Variants in MSH4 observed in about 807,000 individuals in gnomAD.
MSH4 encodes the protein mutS homolog 4.
A neutral mutation model predicts 113.7 loss-of-function variants in MSH4; 106 were observed. That is an observed-to-expected ratio of 0.93 (90% CI 0.80 to 1.10). MSH4 has a LOEUF of 1.10. Ranked by LOEUF, MSH4 falls within the 50% of genes least tolerant of loss-of-function variation. The pLI is 0.00. For missense variants in MSH4, 1,061 were observed against 1,093.7 expected (o/e 0.97, Z 0.42); for synonymous variants, 368 against 380.2 (o/e 0.97, Z 0.37).
chr1:75,891,423 T>G (rs1201755804), intron 17 of MSH4, among the ~76,000 whole-genome samples: 1 of 152,066 alleles, frequency 6.6e-6, no homozygotes, highest in Non-Finnish European at 1.5e-5. Flanking sequence ...TTACCTTAAA[T>G]GAAAGTCCAT....
intron 17 of MSH4, among the ~76,000 whole-genome samples, chr1:75,891,634 A>T (rs1652256385): frequency 6.6e-6 from 1 of 152,044 alleles, no homozygotes; most frequent in Non-Finnish European, 1.5e-5. Flanking sequence ...TTGTATTTTT[A>T]GCTGTGACGG....
At chr1:75,859,150 C>G (rs1472145813) in intron 8 of MSH4, among the ~76,000 whole-genome samples, 3 of 152,152 alleles carry the variant, frequency 2.0e-5, no homozygotes, top group Non-Finnish European at 4.4e-5. Flanking sequence ...TGATTCTTCT[C>G]TCTTTTATTC....
intron 8 of MSH4, among the ~76,000 whole-genome samples, chr1:75,861,769 C>T (rs192709988): frequency 9.1e-4 from 139 of 152,356 alleles, no homozygotes; most frequent in African/African-American, 3.2e-3. Context: ...GGGGCTCAAA[C>T]ACCATGCTGG....
At chr1:75,898,584 T>C (rs537082672) in intron 18 of MSH4, among the ~76,000 whole-genome samples, 2 of 151,586 alleles carry the variant, frequency 1.3e-5, no homozygotes, top group African/African-American at 4.8e-5. Context: ...AGTGGCACTA[T>C]CTCTGCTCAC....
At chr1:75,891,582 T>C (rs1474145396) in intron 17 of MSH4, among the ~76,000 whole-genome samples, 1 of 152,028 alleles carries the variant, frequency 6.6e-6, no homozygotes, top group African/African-American at 2.4e-5. Context: ...GCCTCCTGAG[T>C]AGCTGGGACT....
intron 8 of MSH4, among the ~76,000 whole-genome samples, chr1:75,862,420 C>T (rs540782978): frequency 1.5e-3 from 222 of 152,316 alleles, no homozygotes; most frequent in African/African-American, 5.1e-3. Context: ...ATCTTGGAAG[C>T]GTGGTCCACT....
At chr1:75,907,653 A>T (rs1652688304) in intron 19 of MSH4, among the ~76,000 whole-genome samples, 2 of 69,418 alleles carry the variant, frequency 2.9e-5, no homozygotes, top group African/African-American at 9.9e-5. Flanking sequence ...TTGCTCTTCC[A>T]CGGTGTATCT....
intron 7 of MSH4, among the ~76,000 whole-genome samples, chr1:75,835,877 A>G (rs1366559350): frequency 6.6e-6 from 1 of 152,162 alleles, no homozygotes; most frequent in Non-Finnish European, 1.5e-5. Context: ...GCTCTTGTCA[A>G]GGTCACTGGA....
chr1:75,874,195 A>G (rs1466631903), intron 9 of MSH4, among the ~76,000 whole-genome samples: 1 of 151,534 alleles, frequency 6.6e-6, no homozygotes, highest in Non-Finnish European at 1.5e-5. Flanking sequence ...CTTTTTTTTC[A>G]TATGTTTGTT....
chr1:75,905,842 A>C (rs1332219174), intron 19 of MSH4, among the ~76,000 whole-genome samples: 3 of 152,068 alleles, frequency 2.0e-5, no homozygotes, highest in East Asian at 1.9e-4. Context: ...CTTGAAGTCT[A>C]TCTTATCTGA....
chr1:75,898,944 A>T (rs1320587634), intron 18 of MSH4, among the ~76,000 whole-genome samples: 1 of 152,188 alleles, frequency 6.6e-6, no homozygotes, highest in African/African-American at 2.4e-5. Flanking sequence ...ATATATGTAG[A>T]GTTGCAAAGA....
chr1:75,861,936 T>G (rs1223309332), intron 8 of MSH4, among the ~76,000 whole-genome samples: 1 of 152,098 alleles, frequency 6.6e-6, no homozygotes, highest in African/African-American at 2.4e-5. Flanking sequence ...TAGCTCGAGC[T>G]TCCCTGCCAC....
chr1:75,797,091 C>T lies in MSH4; in HGVS notation c.106C>T (p.Gln36Ter). The T allele has an allele frequency of 6.2e-7, 1 of 1,614,026 alleles. No homozygotes were observed. The highest frequency in any genetic ancestry group is 2.2e-5 in the East Asian group (1 of 44,872). The change falls in exon 1 of 20, where the codon CAG becomes TAG. Residue 36 changes from glutamine to a stop codon, truncating the protein, a stop_gained. Transcript: ENST00000263187. LOFTEE classifies it high-confidence loss of function. ...GGGTCCCCGCTACAATTTCGGACTC[C>T]AGGAGACTCCACAGAGCCGCCCTTC... ...PQGPRYNFGLQETPQSRPSVQ... is the reference protein window; with the variant it reads ...PQGPRYNFGL
intron 14 of MSH4, among the ~76,000 whole-genome samples, chr1:75,883,137 T>C (rs866148852): frequency 6.6e-6 from 1 of 151,410 alleles, no homozygotes; most frequent in South Asian, 2.1e-4. Flanking sequence ...CACAAGTAGC[T>C]GGGACTACAG....
At chr1:75,911,784 A>G (rs1652792145) in intron 19 of MSH4, among the ~76,000 whole-genome samples, 1 of 152,126 alleles carries the variant, frequency 6.6e-6, no homozygotes, top group African/African-American at 2.4e-5. Flanking sequence ...TCTACCTCAT[A>G]AAATCTTACT....
chr1:75,823,615 C>T (rs909307258), intron 7 of MSH4, among the ~76,000 whole-genome samples: 77 of 151,960 alleles, frequency 5.1e-4, no homozygotes, highest in Non-Finnish European at 2.2e-4. Flanking sequence ...TCCTAATGCT[C>T]TCCCTCCCCT....
chr1:75,840,281 A>G (rs1214273551), intron 7 of MSH4, among the ~76,000 whole-genome samples: 2 of 141,668 alleles, frequency 1.4e-5, no homozygotes, highest in African/African-American at 2.6e-5. Context: ...AATGTCCAAC[A>G]ATGATAGACT....
intron 7 of MSH4, among the ~76,000 whole-genome samples, chr1:75,845,024 TC>T (rs1460069157): frequency 1.3e-5 from 2 of 152,172 alleles, no homozygotes; most frequent in African/African-American, 2.4e-5. Context: ...AGAATTTACT[TC>T]CAGAACAAGT....
At chr1:75,880,192 G>A (rs756611951) in intron 13 of MSH4, 39 bp downstream of exon 13, 2 of 1,115,088 alleles carry the variant, frequency 1.8e-6, no homozygotes, top group Admixed American at 4.8e-5. Context: ...GAATTAAATT[G>A]GTTTAATTTG....
Sources: allele counts gnomAD v4.1 joint callset (sites outside exome capture counted in the v4.1 genomes callset), GRCh38; gene constraint gnomAD v4.1.1; transcripts MANE v1.5; gene names NCBI Gene and HGNC (gene_info 2026-07-23, HGNC 2026-07-21).